The following ARHGEF11 variants were observed in gnomAD, a reference collection of about 807,000 sequenced individuals.
ARHGEF11 encodes the protein Rho guanine nucleotide exchange factor 11, also known as Rho guanine exchange factor (GEF) 11.
A neutral mutation model predicts 193.7 loss-of-function variants in ARHGEF11; 55 were observed. The ratio of observed to expected loss-of-function variants is 0.28; its 90% CI spans 0.23 to 0.36. The LOEUF (loss-of-function observed/expected upper bound fraction) is 0.36, where lower values mean the gene tolerates loss of function less well. Among genes scored for constraint, ARHGEF11 ranks in the 10% least tolerant of loss-of-function variants. The pLI, the probability that ARHGEF11 is intolerant of heterozygous loss-of-function variation, is 1.00. For missense variants in ARHGEF11, 1,723 were observed against 2,005.6 expected, an observed-to-expected ratio of 0.86 and a Z score of 2.69; for synonymous variants, 693 against 768.0, an observed-to-expected ratio of 0.90 and a Z score of 1.62.
chr1:157,030,336 C>T (rs1298993307), intron 1 of ARHGEF11, among the ~76,000 whole-genome samples: 1 of 152,068 alleles, frequency 6.6e-6, no homozygotes, highest in Non-Finnish European at 1.5e-5. Flanking sequence ...TGCATCTTTC[C>T]CAGCCTCACT....
rs572894772 is a variant in ARHGEF11, at chr1:156,969,192, C to T, written c.825+90G>A. 1.6e-5 allele frequency: 17 copies of T among 1,047,348 alleles called. No homozygotes were observed. In the South Asian group the frequency reaches 2.1e-4, roughly 13 times the overall value. The allele number at this position is 1,047,348 out of a possible 1,614,324, so 64.9% of individuals were successfully genotyped here. On this transcript the variant is annotated intron_variant, in intron 10 of 40. Coordinates refer to ENST00000368194, the MANE Select transcript of ARHGEF11 (RefSeq NM_198236.3). ...AACGATGGAAGAGGCACACAGAGGC[C>T]TCAGTGCAGCTGGTAGGCAGCAGAA...
At chr1:156,936,497 A>AAAAAAATATATATAT (rs370282821) in intron 40 of ARHGEF11, among the ~76,000 whole-genome samples, 1 of 33,916 alleles carries the variant, frequency 2.9e-5, no homozygotes, top group African/African-American at 1.5e-4. Context: ...AAAAAAAAAA[A>AAAAAAATATATATAT]ATATATATAT....
intron 22 of ARHGEF11, among the ~76,000 whole-genome samples, chr1:156,949,281 C>T (rs771095211): frequency 2.6e-5 from 4 of 152,122 alleles, no homozygotes; most frequent in Admixed American, 6.5e-5. Flanking sequence ...GTTGCGGTGT[C>T]GAGTCCTGCA....
At chr1:157,041,803 T>G (rs1448913833) in intron 1 of ARHGEF11, among the ~76,000 whole-genome samples, 1 of 152,126 alleles carries the variant, frequency 6.6e-6, no homozygotes, top group Non-Finnish European at 1.5e-5. Context: ...TGGTGTTGCT[T>G]TATGTGGTCT....
chr1:156,955,891 C>G, intron 19 of ARHGEF11, 92 bp from the exon 20 acceptor site: 1 of 962,630 alleles, frequency 1.0e-6, no homozygotes. Flanking sequence ...CAAGGCTGGC[C>G]CTCAGCAAGT....
intron 1 of ARHGEF11, among the ~76,000 whole-genome samples, chr1:157,026,414 CTCCAGGGTAAATAA>C (rs1387961908): frequency 3.9e-5 from 6 of 152,190 alleles, no homozygotes; most frequent in Non-Finnish European, 8.8e-5. Flanking sequence ...GCAACACAAT[CTCCAGGGTAAATAA>C]TCAAAGAAGC....
At chr1:157,031,283 G>A (rs1320903479) in intron 1 of ARHGEF11, among the ~76,000 whole-genome samples, 1 of 152,006 alleles carries the variant, frequency 6.6e-6, no homozygotes, top group Non-Finnish European at 1.5e-5. Context: ...CTCTCCCCCC[G>A]TATCTTGCCC....
intron 6 of ARHGEF11, among the ~76,000 whole-genome samples, chr1:156,977,838 G>T (rs1426266032): frequency 1.3e-5 from 2 of 152,110 alleles, no homozygotes; most frequent in South Asian, 4.1e-4. Flanking sequence ...TCCAAACCCT[G>T]GTTAACACTG....
chr1:156,964,490 C>T (rs545820576), intron 11 of ARHGEF11, among the ~76,000 whole-genome samples: 19 of 152,274 alleles, frequency 1.2e-4, no homozygotes, highest in African/African-American at 4.6e-4. Flanking sequence ...CTATTTTAAC[C>T]CAGACCTATG....
At chr1:157,024,004 T>C (rs1378354116) in intron 1 of ARHGEF11, among the ~76,000 whole-genome samples, 3 of 152,186 alleles carry the variant, frequency 2.0e-5, no homozygotes, top group Non-Finnish European at 2.9e-5. Context: ...CATAGCAGCA[T>C]TATTCATAAT....
At chr1:156,963,177 A>T in intron 13 of ARHGEF11, 26 bp downstream of exon 13, 1 of 1,573,546 alleles carries the variant, frequency 6.4e-7, no homozygotes, top group South Asian at 1.1e-5. Flanking sequence ...GCAGGCACTC[A>T]ATCAAGACAG....
At chr1:156,944,982 G>C in intron 30 of ARHGEF11, 37 bp downstream of exon 30, 2 of 1,603,056 alleles carry the variant, frequency 1.2e-6, no homozygotes, top group South Asian at 2.2e-5. Context: ...TACCCACAAA[G>C]TGTGAGGGGT....
chr1:156,978,157 T>C (rs1663533543), intron 6 of ARHGEF11, 47 bp downstream of exon 6: 1 of 1,612,250 alleles, frequency 6.2e-7, no homozygotes, highest in Non-Finnish European at 8.5e-7. Flanking sequence ...TGCGGAGCTT[T>C]TCAACAGGAC....
chr1:157,005,514 C>A (rs988456656), intron 1 of ARHGEF11, among the ~76,000 whole-genome samples: 11 of 152,210 alleles, frequency 7.2e-5, no homozygotes, highest in African/African-American at 2.7e-4. Context: ...CAAGGCCATT[C>A]AGAACCCCCA....
chr1:156,982,110 C>G (rs1664267525), intron 3 of ARHGEF11, among the ~76,000 whole-genome samples: 1 of 151,988 alleles, frequency 6.6e-6, no homozygotes, highest in African/African-American at 2.4e-5. Flanking sequence ...CTTATACGTT[C>G]ATTTAGAAAC....
intron 1 of ARHGEF11, among the ~76,000 whole-genome samples, chr1:157,027,350 C>A (rs1425722994): frequency 6.6e-6 from 1 of 152,122 alleles, no homozygotes; most frequent in African/African-American, 2.4e-5. Flanking sequence ...CCACTGCACT[C>A]CAGTCTGGGT....
chr1:156,972,888 C>A (rs1029664780), intron 7 of ARHGEF11, among the ~76,000 whole-genome samples: 14 of 152,186 alleles, frequency 9.2e-5, no homozygotes, highest in African/African-American at 3.4e-4. Context: ...TCTTCAAAGT[C>A]TCCTTTTTCC....
At position 156,968,130 on chromosome 1, in the gene ARHGEF11, G is replaced by A; in HGVS notation, c.826-6C>T. 1 of 1,600,628 alleles carries A rather than the reference G, an allele frequency of 6.2e-7. No individual in the cohort carries two copies. Among genetic ancestry groups the A allele is most frequent in the Non-Finnish European group, 8.5e-7 (1 of 1,170,756 alleles). On this transcript the variant is annotated splice_polypyrimidine_tract_variant and splice_region_variant and intron_variant, in intron 10 of 40. Coordinates refer to ENST00000368194, the MANE Select transcript of ARHGEF11 (RefSeq NM_198236.3). ...GAGTTCCGATTCATCAATGACTAGA[G>A]AAACAAAGAATTCTGTGAGAAGGAA...
intron 13 of ARHGEF11, among the ~76,000 whole-genome samples, chr1:156,961,992 G>C (rs1318667278): frequency 6.6e-6 from 1 of 152,218 alleles, no homozygotes; most frequent in Non-Finnish European, 1.5e-5. Flanking sequence ...CTCCAGTTCA[G>C]AACAGTTGAG....
Sources: allele counts gnomAD v4.1 joint callset (sites outside exome capture counted in the v4.1 genomes callset), GRCh38; gene constraint gnomAD v4.1.1; transcripts MANE v1.5; gene names NCBI Gene and HGNC (gene_info 2026-07-23, HGNC 2026-07-21).